The following LHX1 variants were observed in gnomAD, a reference collection of about 807,000 sequenced individuals.
LHX1 encodes the protein LIM homeobox 1.
Under a neutral mutation model 34.1 loss-of-function variants are expected in LHX1, and 9 were observed. That is an observed-to-expected ratio of 0.26 (90% CI 0.16 to 0.46). LHX1 has a LOEUF of 0.46. Among genes scored for constraint, LHX1 ranks in the 20% least tolerant of loss-of-function variants. The pLI is 1.00. For synonymous variants in LHX1, 254 were observed against 241.5 expected (o/e 1.05, Z -0.48); for missense variants, 446 against 559.1 (o/e 0.80, Z 2.04).
intron 3 of LHX1, 114 bp from the exon 4 acceptor site, chr17:36,942,086 C>CAA: frequency 5.3e-6 from 4 of 748,120 alleles, no homozygotes; most frequent in Non-Finnish European, 8.1e-6. Flanking sequence ...CACACACAAG[C>CAA]GCGCGCGCGC....
At chr17:36,941,131 A>T (rs1408466580) in intron 3 of LHX1, 3 of 728,916 alleles carry the variant, frequency 4.1e-6, no homozygotes, top group Non-Finnish European at 7.3e-6. Context: ...ACGGGAGTTC[A>T]GCCAGAGGCT....
chr17:36,942,948 C>T lies in LHX1; in HGVS notation c.1038C>T (p.Ile346=). The change falls in exon 5 of 5, where the codon ATC becomes ATT. Residue 346 remains isoleucine (I), a synonymous_variant. Coordinates refer to ENST00000614239, the MANE Select transcript of LHX1 (RefSeq NM_005568.5). ...PSSEAQRFTD[I]LAHPPGDSPS... is the part of the protein sequence containing the mutation. ...GCGAGGCGCAGCGGTTTACCGACATCCTGGCGCACCCACCCGGGGACTCGC... is the reference window on the plus strand; with the variant it reads ...GCGAGGCGCAGCGGTTTACCGACATTCTGGCGCACCCACCCGGGGACTCGC... The T allele has an allele frequency of 1.9e-6, 3 of 1,609,288 alleles. No individual in the cohort carries two copies. Among genetic ancestry groups the T allele is most frequent in the Non-Finnish European group, 1.7e-6 (2 of 1,178,414 alleles).
chr17:36,942,789 C>T lies in LHX1; in HGVS notation c.879C>T (p.Tyr293=). Residue 293 remains tyrosine (Y), a synonymous_variant, in exon 5 of 5, where the codon TAC becomes TAT. Transcript: ENST00000614239. ...QSEYYGPGGN[Y]DFFPQGPPSS... ...AGTACTACGGGCCCGGGGGCAACTACGACTTCTTCCCGCAAGGCCCCCCGT... is the reference window on the plus strand; with the variant it reads ...AGTACTACGGGCCCGGGGGCAACTATGACTTCTTCCCGCAAGGCCCCCCGT... 1 of 1,544,498 alleles carries T rather than the reference C, an allele frequency of 6.5e-7. No homozygotes were observed. Among genetic ancestry groups the T allele is most frequent in the Non-Finnish European group, 8.8e-7 (1 of 1,142,178 alleles).
At chr17:36,939,383 G>A (rs1339471173) in intron 1 of LHX1, among the ~76,000 whole-genome samples, 2 of 152,326 alleles carry the variant, frequency 1.3e-5, no homozygotes, top group Admixed American at 6.5e-5. Context: ...GGGAGCAGGA[G>A]GAAGAGGGAT....
intron 3 of LHX1, 200 bp downstream of exon 3, chr17:36,941,087 C>A: frequency 2.4e-6 from 2 of 848,710 alleles, no homozygotes; most frequent in Non-Finnish European, 3.8e-6. Flanking sequence ...CTTCCCAGCC[C>A]AACAGAGGTG....
At chr17:36,942,601 C>T (rs893639065) in intron 4 of LHX1, 151 bp from the exon 5 acceptor site, 124 of 991,028 alleles carry the variant, frequency 1.3e-4, no homozygotes, top group Non-Finnish European at 1.7e-4. Flanking sequence ...CCAGCCTCCT[C>T]CCTGCACCCA....
In LHX1 at chr17:36,943,100, C is replaced by A. The variant is rs773502109; in HGVS notation, c.1190C>A (p.Pro397His). Residue 397 changes from proline to histidine, a missense_variant, in exon 5 of 5, where the codon CCC becomes CAC. Coordinates refer to ENST00000614239, the MANE Select transcript of LHX1 (RefSeq NM_005568.5). ...AGCTACGGAAACCACCTGTCCCACC[C>A]CCCCGAAATGAACGAGGCGGCCGTG... is the stretch of plus-strand genomic sequence containing the variant. ...GASYGNHLSH[P>H]PEMNEAAVW 2.5e-6 allele frequency: 4 copies of A among 1,612,246 alleles called. No homozygotes were observed. In the Admixed American group the frequency reaches 5.0e-5, roughly 20 times the overall value.
intron 3 of LHX1, chr17:36,941,618 A>G: frequency 4.5e-6 from 1 of 220,956 alleles, no homozygotes; most frequent in Non-Finnish European, 9.2e-6. Context: ...TGCAACACGG[A>G]AGGCCCTGAG....
chr17:36,939,938 T>G, intron 1 of LHX1: 2 of 443,576 alleles, frequency 4.5e-6, no homozygotes, highest in East Asian at 4.2e-5. Flanking sequence ...CCCACACAGG[T>G]CACTGCCTTG....
Position 36,938,035 on chromosome 17 carries a change from C to A in LHX1, c.-163C>A. The A allele has an allele frequency of 5.8e-6, 4 of 687,470 alleles. No individual in the cohort carries two copies. Among genetic ancestry groups the A allele is most frequent in the Non-Finnish European group, 1.0e-5 (4 of 395,976 alleles). The allele number at this position is 687,470 out of a possible 1,614,324, so 42.6% of individuals were successfully genotyped here. ...GCCCCGATCAGCCTCGTTTCCTCCA[C>A]CCTACTTTGATTTCCTGGTGCGAGT... On this transcript the variant is annotated 5_prime_UTR_variant, in exon 1 of 5. Coordinates refer to ENST00000614239, the MANE Select transcript of LHX1 (RefSeq NM_005568.5).
chr17:36,938,889 C>A, intron 1 of LHX1: 1 of 251,588 alleles, frequency 4.0e-6, no homozygotes, highest in Non-Finnish European at 7.9e-6. Context: ...GCCTTAAAGC[C>A]GATCCTGCAC....
At chr17:36,941,758 T>C (rs1429480522) in intron 3 of LHX1, among the ~76,000 whole-genome samples, 1 of 152,190 alleles carries the variant, frequency 6.6e-6, no homozygotes, top group African/African-American at 2.4e-5. Context: ...AAGGAGATTG[T>C]AGGTTTTGGT....
chr17:36,942,285 G>C lies in LHX1; in HGVS notation c.761G>C (p.Ser254Thr). The change falls in exon 4 of 5, where the codon AGT becomes ACT. Residue 254 changes from serine (S) to threonine (T), a missense_variant. Coordinates refer to ENST00000614239, the MANE Select transcript of LHX1 (RefSeq NM_005568.5). ...LGARRHAFFR[S>T]PRRMRPLVDR... ...GCCCGGCGCCACGCCTTCTTCCGCA[G>C]TCCGCGCCGGATGCGGCCGCTGGTG... The C allele has an allele frequency of 6.3e-7, 1 of 1,596,790 alleles. No homozygotes were observed. The highest frequency in any genetic ancestry group is 8.5e-7 in the Non-Finnish European group (1 of 1,173,364).
At chr17:36,937,404 CCT>C (rs1370043346), upstream of LHX1, 14 of 331,624 alleles carry the variant, frequency 4.2e-5, no homozygotes, top group African/African-American at 6.8e-5. Flanking sequence ...CGGAGTTGTC[CCT>C]CTCTGTTTTC....
rs182084469 is a variant in LHX1, at chr17:36,943,050, G to A, written c.1140G>A (p.Ser380=). 1 of 1,606,022 alleles carries A rather than the reference G, an allele frequency of 6.2e-7. No individual in the cohort carries two copies. Among genetic ancestry groups the A allele is most frequent in the South Asian group, 1.1e-5 (1 of 90,904 alleles). ...TCTTCGGACCCAGCCCGCCCTTCTC[G>A]TCGCTGTCGGTCAACGGTGGGGCGA... ...AEVFGPSPPF[S]SLSVNGGASY... is the part of the protein sequence containing the mutation. The change falls in exon 5 of 5, where the codon TCG becomes TCA. Residue 380 remains serine, a synonymous_variant. Coordinates refer to ENST00000614239, the MANE Select transcript of LHX1 (RefSeq NM_005568.5).
Position 36,937,528 on chromosome 17 carries a change from G to T in LHX1, c.-670G>T, listed in dbSNP as rs2070734495. 3.2e-6 allele frequency: 1 copy of T among 313,144 alleles called. No homozygotes were observed. The highest frequency in any genetic ancestry group is 2.4e-5 in the South Asian group (1 of 41,636). The allele number at this position is 313,144 out of a possible 1,614,324, so 19.4% of individuals were successfully genotyped here. A position where few individuals can be genotyped will look rare whatever the true frequency, so the allele number is the denominator to read the frequency against. ...TTCCCTTCTCCCGCGGTCGGCCCTCGCCCCCTCCCCCAGGCCCAGCGCGGG... is the reference window on the plus strand; with the variant it reads ...TTCCCTTCTCCCGCGGTCGGCCCTCTCCCCCTCCCCCAGGCCCAGCGCGGG... On this transcript the variant is annotated 5_prime_UTR_variant, in exon 1 of 5. Transcript: ENST00000614239.
chr17:36,941,549 C>T (rs924434541), intron 3 of LHX1: 4 of 248,302 alleles, frequency 1.6e-5, no homozygotes, highest in Non-Finnish European at 2.4e-5. Context: ...GCCTGATGCC[C>T]TGCGTGGCTG....
At chr17:36,939,841 C>T (rs545195978) in intron 1 of LHX1, among the ~76,000 whole-genome samples, 1 of 152,388 alleles carries the variant, frequency 6.6e-6, no homozygotes, top group South Asian at 2.1e-4. Flanking sequence ...GAGAGAAAAG[C>T]GGCGCTCCGC....
At position 36,944,224 on chromosome 17, in the gene LHX1, T is replaced by C. The variant is rs905446999; in HGVS notation, c.*1093T>C. On this transcript the variant is annotated 3_prime_UTR_variant, in exon 5 of 5. Transcript: ENST00000614239. ...CCAAATAGAATAATTATAGCACAAA[T>C]ACTGTAAAGGTGCCTGGCACCAGCA... is the stretch of plus-strand genomic sequence containing the variant. 2.2e-5 allele frequency: 3 copies of C among 137,374 alleles called. No individual in the cohort carries two copies. Among genetic ancestry groups the C allele is most frequent in the African/African-American group, 8.3e-5 (3 of 36,298 alleles). 8.5% of individuals were successfully genotyped at this position (137,374 alleles called of 1,614,324 possible). A position where few individuals can be genotyped will look rare whatever the true frequency, so the allele number is the denominator to read the frequency against.
Sources: gnomAD v4.1 joint callset for allele counts (sites outside exome capture counted in the v4.1 genomes callset) on GRCh38, gnomAD v4.1.1 for gene constraint, MANE v1.5 for transcripts, NCBI Gene and HGNC (gene_info 2026-07-23, HGNC 2026-07-21) for gene names.